The following SLC11A1 variants were observed in gnomAD, a reference collection of about 807,000 sequenced individuals.
SLC11A1 encodes the protein natural resistance-associated macrophage protein 1.
Under a neutral mutation model 63.2 loss-of-function variants are expected in SLC11A1, and 59 were observed. The ratio of observed to expected loss-of-function variants is 0.93; its 90% CI spans 0.76 to 1.16. SLC11A1 has a LOEUF of 1.16. Ranked by LOEUF, SLC11A1 falls within the 50% of genes most tolerant of loss-of-function variation. SLC11A1 has a pLI of 0.00. For missense variants in SLC11A1, 688 were observed against 730.7 expected, an observed-to-expected ratio of 0.94 and a Z score of 0.67; for synonymous variants, 305 against 307.8, an observed-to-expected ratio of 0.99 and a Z score of 0.09.
At position 218,384,092 on chromosome 2, in the gene SLC11A1, C is replaced by A; in HGVS notation, c.151-151C>A. ...CTGCTTCCTCCACCCATGCCCTCCC[C>A]ATCCCTTGGGTGGCAGACCCAGGAA... On this transcript the variant is annotated intron_variant, in intron 2 of 14. Transcript: ENST00000233202. The surrounding 1 kb of genome is among the most constrained non-coding windows in gnomAD (Gnocchi z 4.0). 1 of 682,512 alleles carries A rather than the reference C, an allele frequency of 1.5e-6. No homozygotes were observed. Among genetic ancestry groups the A allele is most frequent in the Non-Finnish European group, 2.3e-6 (1 of 437,766 alleles). 42.3% of individuals were successfully genotyped at this position (682,512 alleles called of 1,614,324 possible).
rs780693710 is a variant in SLC11A1 at position 218,394,621 on chromosome 2, G to T, written c.1389-11G>T. 2 of 1,612,604 alleles carry T rather than the reference G, an allele frequency of 1.2e-6. No homozygotes were observed. Among genetic ancestry groups the T allele is most frequent in the Non-Finnish European group, 1.7e-6 (2 of 1,179,896 alleles). On this transcript the variant is annotated splice_polypyrimidine_tract_variant and intron_variant, in intron 13 of 14. Transcript: ENST00000233202. Reference sequence around the variant, plus strand: ...AACCAGCCAGTCCTGAGCCTCTCTCGTGTCCCCCAGGCTGAACAAGGTCGT... The same window carrying T: ...AACCAGCCAGTCCTGAGCCTCTCTCTTGTCCCCCAGGCTGAACAAGGTCGT...
intron 12 of SLC11A1, among the ~76,000 whole-genome samples, chr2:218,393,780 A>AT (rs546743509): frequency 1.4e-3 from 198 of 143,292 alleles, no homozygotes; most frequent in Admixed American, 1.5e-3. Flanking sequence ...GGCAGGTCTA[A>AT]TTTTTTTTTT....
intron 3 of SLC11A1, 112 bp from the exon 4 acceptor site, chr2:218,385,035 C>T: frequency 6.9e-7 from 1 of 1,438,894 alleles, no homozygotes; most frequent in Non-Finnish European, 9.4e-7. Context: ...GATGGGACTC[C>T]ATCTCTCCCA....
intron 11 of SLC11A1, chr2:218,392,665 C>T: frequency 3.8e-6 from 1 of 264,154 alleles, no homozygotes; most frequent in Non-Finnish European, 7.2e-6. Flanking sequence ...CAGAGGGCGA[C>T]ACTATAAGCC....
At chr2:218,390,248 C>T (rs907795859) in intron 9 of SLC11A1, among the ~76,000 whole-genome samples, 1 of 152,050 alleles carries the variant, frequency 6.6e-6, no homozygotes, top group Non-Finnish European at 1.5e-5. Flanking sequence ...GCTACAAAGA[C>T]CCAGCTCTCT....
Position 218,390,043 on chromosome 2 carries a change from C to T in SLC11A1, c.954+15C>T, listed in dbSNP as rs369300816. 8.2e-5 allele frequency: 131 copies of T among 1,602,836 alleles called. 1 individual carries two copies. The Middle Eastern group carries it at 1.5e-3, about 18-fold the overall frequency. On this transcript the variant is annotated intron_variant, in intron 9 of 14. Transcript: ENST00000233202. Reference sequence around the variant, plus strand: ...ACCAGGCTGCGGTGAGACACACTTTCCCCCGCACCTGAGGCCACACACGTA... The same window carrying T: ...ACCAGGCTGCGGTGAGACACACTTTTCCCCGCACCTGAGGCCACACACGTA...
In SLC11A1 at chr2:218,392,920, T is replaced by C. The variant is rs141263270; in HGVS notation, c.1165-61T>C. ...AAATCGGTTGAGGGACTACAGAGGA[T>C]CTCTCCTCTGGAATCCCCAGTCCTG... On this transcript the variant is annotated intron_variant, in intron 11 of 14. Coordinates refer to ENST00000233202, the MANE Select transcript of SLC11A1 (RefSeq NM_000578.4). The C allele has an allele frequency of 1.8e-4, 239 of 1,328,444 alleles. 1 individual carries two copies. In the Middle Eastern group the frequency reaches 5.0e-3, roughly 28 times the overall value. 82.3% of individuals were successfully genotyped at this position (1,328,444 alleles called of 1,614,324 possible).
chr2:218,385,215 C>T lies in SLC11A1; in HGVS notation c.342C>T (p.Gly114=), dbSNP rs767194674. The T allele has an allele frequency of 3.1e-6, 5 of 1,613,904 alleles. No individual in the cohort carries two copies. The highest frequency in any genetic ancestry group is 3.4e-6 in the Non-Finnish European group (4 of 1,179,912). Residue 114 remains glycine, a synonymous_variant, in exon 4 of 15, where the codon GGC becomes GGT. Transcript: ENST00000233202. ...GCCAGCGACTGGCTGCACGTCTGGG[C>T]GTGGTGACAGGCAAGGACTTGGGCG... The part of the protein sequence containing the change: ...LLCQRLAARL[G]VVTGKDLGEV...
intron 9 of SLC11A1, among the ~76,000 whole-genome samples, chr2:218,390,707 ACC>A (rs1696378944): frequency 1.3e-5 from 2 of 151,946 alleles, no homozygotes. Context: ...AGGACTGCAA[ACC>A]CTTGTCTTCA....
Position 218,393,188 on chromosome 2 carries a change from C to A in SLC11A1, c.1314+58C>A, listed in dbSNP as rs1490335445. On this transcript the variant is annotated intron_variant, in intron 12 of 14. Coordinates refer to ENST00000233202, the MANE Select transcript of SLC11A1 (RefSeq NM_000578.4). ...CTGCTGAGCGAAACAGGACCTCCAGCAACCCCCACGCTGAGCCTTGCATGG... is the reference window on the plus strand; with the variant it reads ...CTGCTGAGCGAAACAGGACCTCCAGAAACCCCCACGCTGAGCCTTGCATGG... The A allele has an allele frequency of 5.6e-6, 8 of 1,441,108 alleles. No individual in the cohort carries two copies. In the African/African-American group the frequency reaches 8.8e-5, roughly 16 times the overall value. The allele number at this position is 1,441,108 out of a possible 1,614,324, so 89.3% of individuals were successfully genotyped here.
Position 218,395,364 on chromosome 2 carries a change from A to T in SLC11A1, c.*329A>T. The T allele has an allele frequency of 8.2e-6, 2 of 244,714 alleles. No homozygotes were observed. The highest frequency in any genetic ancestry group is 1.6e-5 in the Non-Finnish European group (2 of 123,668). The allele number at this position is 244,714 out of a possible 1,614,324, so 15.2% of individuals were successfully genotyped here. On this transcript the variant is annotated 3_prime_UTR_variant, in exon 15 of 15. Transcript: ENST00000233202. The stretch of plus-strand genomic sequence containing the variant: ...CCTGCAGGCGTGACCTGACAGCCCA[A>T]GGGTGGGTGGGGTGAGGGCTTGAGG...
intron 9 of SLC11A1, 82 bp downstream of exon 9, chr2:218,390,110 G>GGA: frequency 1.4e-6 from 2 of 1,421,854 alleles, no homozygotes; most frequent in Non-Finnish European, 1.9e-6. Flanking sequence ...AGGCAATGCA[G>GGA]CTGAGCCCTT....
rs746599306 is a variant in SLC11A1 at position 218,394,995 on chromosome 2, G to A, written c.1613G>A (p.Gly538Glu). The change falls in exon 15 of 15, where the codon GGG (glycine) becomes GAG (glutamate). Residue 538 changes from glycine to glutamate, a missense_variant. Coordinates refer to ENST00000233202, the MANE Select transcript of SLC11A1 (RefSeq NM_000578.4). Reference sequence around the variant, plus strand: ...AGCTCCCACCACCACTTCCTGTATGGGCTCCTTGAAGAGGACCAGAAAGGG... The same window carrying A: ...AGCTCCCACCACCACTTCCTGTATGAGCTCCTTGAAGAGGACCAGAAAGGG... ...AHSSHHHFLY[G>E]LLEEDQKGET... 2 of 1,612,366 alleles carry A rather than the reference G, an allele frequency of 1.2e-6. No individual in the cohort carries two copies. Among genetic ancestry groups the A allele is most frequent in the Non-Finnish European group, 8.5e-7 (1 of 1,179,294 alleles).
In SLC11A1 at chr2:218,384,456, T is replaced by C; in HGVS notation, c.273+91T>C. 1.4e-6 allele frequency: 2 copies of C among 1,466,098 alleles called. No individual in the cohort carries two copies. The highest frequency in any genetic ancestry group is 1.9e-6 in the Non-Finnish European group (2 of 1,080,896). 90.8% of individuals were successfully genotyped at this position (1,466,098 alleles called of 1,614,324 possible). ...GCCCCTGCTGGCCATGTTTCTCCAA[T>C]GTGGCCTGGGAGCTGGTGTTAAGTT... On this transcript the variant is annotated intron_variant, in intron 3 of 14. Transcript: ENST00000233202. The surrounding 1 kb of genome is among the most constrained non-coding windows in gnomAD (Gnocchi z 4.0).
chr2:218,387,684 T>C (rs767387746), intron 7 of SLC11A1, 52 bp downstream of exon 7: 60 of 1,611,926 alleles, frequency 3.7e-5, no homozygotes, highest in Non-Finnish European at 4.7e-5. Flanking sequence ...ATCATTCCTC[T>C]CCCTTCCCTC....
In SLC11A1 at chr2:218,384,310, T is replaced by C. The variant is rs754628001; in HGVS notation, c.218T>C (p.Leu73Pro). Residue 73 changes from leucine to proline, a missense_variant, in exon 3 of 15, where the codon CTG becomes CCG. Leu to Pro is a moderately conservative substitution (Grantham distance 98). Transcript: ENST00000233202. This position sits in a 1 kb window ranked among gnomAD's most constrained non-coding sequence, Gnocchi z 4.0. Reference sequence around the variant, plus strand: ...GGCTTCCTCATGAGCATTGCTTTCCTGGACCCAGGAAACATCGAGTCAGAT... The same window carrying C: ...GGCTTCCTCATGAGCATTGCTTTCCCGGACCCAGGAAACATCGAGTCAGAT... ...GPGFLMSIAF[L>P]DPGNIESDLQ... The C allele has an allele frequency of 4.4e-6, 7 of 1,609,096 alleles. No individual in the cohort carries two copies. The East Asian group carries it at 1.3e-4, about 31-fold the overall frequency.
intron 8 of SLC11A1, among the ~76,000 whole-genome samples, chr2:218,389,504 G>A (rs1185125980): frequency 1.3e-5 from 2 of 152,186 alleles, no homozygotes; most frequent in Non-Finnish European, 2.9e-5. Context: ...AGTGAGCCAT[G>A]CATTGCACCA....
chr2:218,384,966 TC>T lies in SLC11A1; in HGVS notation c.274-178del. 1 of 675,306 alleles carries T rather than the reference TC, an allele frequency of 1.5e-6. No homozygotes were observed. Among genetic ancestry groups the T allele is most frequent in the East Asian group, 2.9e-5 (1 of 34,004 alleles). The allele number at this position is 675,306 out of a possible 1,614,324, so 41.8% of individuals were successfully genotyped here. On this transcript the variant is annotated intron_variant, in intron 3 of 14. Coordinates refer to ENST00000233202, the MANE Select transcript of SLC11A1 (RefSeq NM_000578.4). This position sits in a 1 kb window ranked among gnomAD's most constrained non-coding sequence, Gnocchi z 4.0. ...TTGAACTCCTGGACTCAAGCAATCCTCCCACCTTAGCCTTTTAAAGTGCTGG... is the reference window on the plus strand; with the variant it reads ...TTGAACTCCTGGACTCAAGCAATCCTCCACCTTAGCCTTTTAAAGTGCTGG...
At chr2:218,391,608 CTTTT>C (rs888204971) in intron 11 of SLC11A1, 113 bp downstream of exon 11, 8 of 1,261,234 alleles carry the variant, frequency 6.3e-6, no homozygotes, top group South Asian at 1.6e-5. Flanking sequence ...TCTTTTCTTC[CTTTT>C]TTTTTGTTTT....
Sources: gnomAD v4.1 joint callset for allele counts (sites outside exome capture counted in the v4.1 genomes callset) on GRCh38, gnomAD v4.1.1 for gene constraint, Gnocchi (gnomAD v3.1) non-coding constraint, MANE v1.5 for transcripts, NCBI Gene and HGNC (gene_info 2026-07-23, HGNC 2026-07-21) for gene names.